Variants in ZCCHC4 observed in about 807,000 individuals in gnomAD.
ZCCHC4 encodes rRNA N(6)-adenosine-methyltransferase ZCCHC4.
In ZCCHC4, 54 loss-of-function variants were observed where a neutral mutation model predicts 67.7. That is an observed-to-expected ratio of 0.80 (90% CI 0.64 to 1.00). ZCCHC4 has a LOEUF of 1.00. Ranked by LOEUF, ZCCHC4 falls within the 50% of genes least tolerant of loss-of-function variation. The pLI, the probability that ZCCHC4 is intolerant of heterozygous loss-of-function variation, is 0.00. For synonymous variants in ZCCHC4, 198 were observed against 213.5 expected, an observed-to-expected ratio of 0.93 and a Z score of 0.63; for missense variants, 609 against 617.0, an observed-to-expected ratio of 0.99 and a Z score of 0.14.
chr4:25,323,065 A>T (rs1429608060), intron 3 of ZCCHC4, among the ~76,000 whole-genome samples: 3 of 152,190 alleles, frequency 2.0e-5, no homozygotes, highest in African/African-American at 7.2e-5. Flanking sequence ...TGATATTAAG[A>T]TTAATCACGT....
In ZCCHC4 at chr4:25,365,532, A is replaced by G. The variant is rs1283408466; in HGVS notation, c.1406+366A>G. 5.0e-6 allele frequency: 5 copies of G among 995,584 alleles called. No homozygotes were observed. In the South Asian group the frequency reaches 1.4e-4, roughly 28 times the overall value. The allele number at this position is 995,584 out of a possible 1,614,324, so 61.7% of individuals were successfully genotyped here. ...TGAGGGACAGATCAGATATAGACAC[A>G]TGATGGCAGGAAAGGCTGGAGAAGG... On this transcript the variant is annotated intron_variant, in intron 12 of 12. Transcript: ENST00000302874.
intron 5 of ZCCHC4, among the ~76,000 whole-genome samples, chr4:25,338,752 A>G (rs190120843): frequency 6.6e-6 from 1 of 152,286 alleles, no homozygotes; most frequent in Admixed American, 6.5e-5. Flanking sequence ...TTTTGGCTGA[A>G]TAATATTCTA....
intron 12 of ZCCHC4, among the ~76,000 whole-genome samples, chr4:25,367,414 G>T (rs568839533): frequency 6.6e-6 from 1 of 152,012 alleles, no homozygotes; most frequent in East Asian, 1.9e-4. Context: ...TCTGTTTACC[G>T]TATCCCCTAG....
At chr4:25,363,225 A>G (rs6817873) in intron 10 of ZCCHC4, among the ~76,000 whole-genome samples, 1,906 of 152,208 alleles carry the variant, frequency 0.013, 40 homozygotes, top group African/African-American at 0.042. Flanking sequence ...TACTGTCTCT[A>G]TAGTTTTTCC....
intron 8 of ZCCHC4, among the ~76,000 whole-genome samples, chr4:25,355,284 AC>A (rs1720473701): frequency 6.6e-6 from 1 of 152,164 alleles, no homozygotes; most frequent in Admixed American, 6.5e-5. Flanking sequence ...CTGTTTCCTT[AC>A]CTATAAAATA....
chr4:25,351,526 C>A, intron 7 of ZCCHC4, 63 bp from the exon 8 acceptor site: 1 of 1,116,922 alleles, frequency 9.0e-7, no homozygotes, highest in Non-Finnish European at 1.3e-6. Context: ...GGAAGTTTTT[C>A]TACTGTAGCC....
intron 5 of ZCCHC4, among the ~76,000 whole-genome samples, chr4:25,334,663 C>A (rs1391521008): frequency 1.3e-5 from 2 of 152,156 alleles, no homozygotes; most frequent in African/African-American, 4.8e-5. Context: ...GTCTATAATT[C>A]TGTACATTTG....
chr4:25,367,870 G>A (rs1215448823), intron 12 of ZCCHC4, among the ~76,000 whole-genome samples: 1 of 152,154 alleles, frequency 6.6e-6, no homozygotes, highest in Non-Finnish European at 1.5e-5. Flanking sequence ...TTAAAGTAGA[G>A]TATATAGTAG....
intron 10 of ZCCHC4, among the ~76,000 whole-genome samples, chr4:25,362,840 T>G (rs1031335797): frequency 1.3e-5 from 2 of 152,190 alleles, no homozygotes; most frequent in Middle Eastern, 3.2e-3. Context: ...AGGTATTATT[T>G]TTTCTTAATA....
At chr4:25,357,508 C>T (rs890447491) in intron 8 of ZCCHC4, among the ~76,000 whole-genome samples, 1 of 152,198 alleles carries the variant, frequency 6.6e-6, no homozygotes, top group Non-Finnish European at 1.5e-5. Context: ...CTTGGGTCTC[C>T]TCATCCTGTG....
intron 3 of ZCCHC4, among the ~76,000 whole-genome samples, chr4:25,332,433 T>C (rs960390655): frequency 3.9e-5 from 6 of 152,252 alleles, no homozygotes; most frequent in African/African-American, 9.6e-5. Flanking sequence ...ATTTTTCTTT[T>C]GTTTTCTTAC....
chr4:25,332,297 C>CAA (rs35606314), intron 3 of ZCCHC4, among the ~76,000 whole-genome samples: 3 of 94,058 alleles, frequency 3.2e-5, no homozygotes, highest in African/African-American at 8.3e-5. Context: ...GACTCCATCT[C>CAA]AAAAAAAAAA....
chr4:25,317,573 G>A (rs762973796), intron 3 of ZCCHC4, among the ~76,000 whole-genome samples: 3 of 151,784 alleles, frequency 2.0e-5, no homozygotes, highest in South Asian at 2.1e-4. Flanking sequence ...TTAGCCAGGC[G>A]TAGTGGCAGC....
intron 3 of ZCCHC4, among the ~76,000 whole-genome samples, chr4:25,320,486 G>T (rs1475251884): frequency 1.3e-5 from 2 of 152,262 alleles, no homozygotes; most frequent in East Asian, 3.9e-4. Context: ...CAATAAAAAT[G>T]ACATTTCAAA....
intron 4 of ZCCHC4, 120 bp downstream of exon 4, chr4:25,333,578 TGTAAA>T: frequency 8.9e-7 from 1 of 1,124,608 alleles, no homozygotes; most frequent in Non-Finnish European, 1.3e-6. Context: ...GTATTTAAAA[TGTAAA>T]GCACAGTCCC....
chr4:25,342,873 C>T lies in ZCCHC4; in HGVS notation c.687-2675C>T, dbSNP rs1465702480. On this transcript the variant is annotated intron_variant, in intron 5 of 12. Coordinates refer to ENST00000302874, the MANE Select transcript of ZCCHC4 (RefSeq NM_024936.3). The stretch of plus-strand genomic sequence containing the variant: ...AAATCTTGGCTTTTCTTTCTCTATT[C>T]CTCTGCACACTGCTGCCCAGAATGT... 2.0e-5 allele frequency among the ~76,000 whole-genome samples: 3 copies of T among 152,184 alleles called. No homozygotes were observed. In the East Asian group the frequency reaches 5.8e-4, roughly 29 times the overall value.
chr4:25,366,128 ATGTGT>A, intron 12 of ZCCHC4: 1 of 981,100 alleles, frequency 1.0e-6, no homozygotes, highest in Non-Finnish European at 1.2e-6. Flanking sequence ...ATTCTTTCCC[ATGTGT>A]TTTATTTATT....
At chr4:25,324,970 G>A (rs1280143121) in intron 3 of ZCCHC4, among the ~76,000 whole-genome samples, 12 of 152,030 alleles carry the variant, frequency 7.9e-5, no homozygotes, top group African/African-American at 2.7e-4. Flanking sequence ...TCGGCCGGGC[G>A]CGGTGGCTCA....
Position 25,361,942 on chromosome 4 carries a change from G to T in ZCCHC4, c.1095G>T (p.Pro365=), listed in dbSNP as rs758503271. 75 of 1,613,746 alleles carry T rather than the reference G, an allele frequency of 4.6e-5. 2 individuals are homozygous for T. The South Asian group carries it at 8.0e-4, about 17-fold the overall frequency. ...QSPVRIFTNI[P]PNKIILPTEE... ...CCGTGCGTATTTTCACCAACATTCC[G>T]CCCAACAAAATAATCCTTCCTACTG... Residue 365 remains proline, a synonymous_variant, in exon 9 of 13, where the codon CCG becomes CCT. Coordinates refer to ENST00000302874, the MANE Select transcript of ZCCHC4 (RefSeq NM_024936.3).
Sources: gnomAD v4.1 joint callset for allele counts (sites outside exome capture counted in the v4.1 genomes callset) on GRCh38, gnomAD v4.1.1 for gene constraint, MANE v1.5 for transcripts, NCBI Gene and HGNC (gene_info 2026-07-23, HGNC 2026-07-21) for gene names.